GABRB1: variants seen among roughly 807,000 people sequenced by gnomAD.
GABRB1 encodes the protein gamma-aminobutyric acid receptor subunit beta-1.
GABRB1 carries 17 observed loss-of-function variants against 51.6 expected under a neutral mutation model. The observed-to-expected ratio is 0.33, with a 90% CI of 0.23 to 0.49. The LOEUF (loss-of-function observed/expected upper bound fraction) is 0.49. Among genes scored for constraint, GABRB1 ranks in the 20% least tolerant of loss-of-function variants. GABRB1 has a pLI of 0.99. For synonymous variants in GABRB1, 247 were observed against 218.9 expected (o/e 1.13, Z -1.14); for missense variants, 410 against 600.6 (o/e 0.68, Z 3.32).
chr4:47,385,780 C>T (rs1163635952), intron 5 of GABRB1, among the ~76,000 whole-genome samples: 2 of 152,202 alleles, frequency 1.3e-5, no homozygotes, highest in African/African-American at 4.8e-5. Flanking sequence ...TTACCCACAA[C>T]TCTGTCCTAC....
At chr4:47,423,214 A>G (rs114497273) in intron 8 of GABRB1, among the ~76,000 whole-genome samples, 2,172 of 152,268 alleles carry the variant, frequency 0.014, 53 homozygotes, top group African/African-American at 0.05. Context: ...TTTTTACACT[A>G]TTGAGTCAAC....
At chr4:47,395,951 T>C (rs1259671204) in intron 5 of GABRB1, among the ~76,000 whole-genome samples, 1 of 152,162 alleles carries the variant, frequency 6.6e-6, no homozygotes, top group Non-Finnish European at 1.5e-5. Flanking sequence ...ATTTTTAATA[T>C]TATATATAAG....
rs56838956 is a variant in GABRB1 at position 47,254,361 on chromosome 4, G to GTTTTTTTTTTTTTTTTT, written c.462-65751_462-65735dup. 3.0e-4 allele frequency among the ~76,000 whole-genome samples: 24 copies of GTTTTTTTTTTTTTTTTT among 80,962 alleles called. 2 individuals are homozygous for GTTTTTTTTTTTTTTTTT. The highest frequency in any genetic ancestry group is 3.6e-4 in the Non-Finnish European group (16 of 44,330). The allele number at this position is 80,962 out of a possible 152,430, so 53.1% of individuals were successfully genotyped here. ...ATGGTGGATGATGTTTCTTTTCTTT[G>GTTTTTTTTTTTTTTTTT]TTTTTTTTTTTTTTTTTTTTTTTTT... On this transcript the variant is annotated intron_variant, in intron 4 of 8. Coordinates refer to ENST00000295454, the MANE Select transcript of GABRB1 (RefSeq NM_000812.4).
chr4:47,303,728 C>T (rs1724347840), intron 4 of GABRB1, among the ~76,000 whole-genome samples: 1 of 151,842 alleles, frequency 6.6e-6, no homozygotes, highest in South Asian at 2.1e-4. Context: ...ATATGCATTA[C>T]CCCACATATC....
At chr4:47,291,269 C>T (rs781603780) in intron 4 of GABRB1, among the ~76,000 whole-genome samples, 5 of 152,088 alleles carry the variant, frequency 3.3e-5, no homozygotes, top group Admixed American at 2.0e-4. Context: ...GTTGAGCCGG[C>T]GGGTGCACAG....
intron 5 of GABRB1, among the ~76,000 whole-genome samples, chr4:47,349,123 T>C (rs1159463870): frequency 6.6e-6 from 1 of 152,196 alleles, no homozygotes; most frequent in Non-Finnish European, 1.5e-5. Flanking sequence ...TTTTGATGTA[T>C]GATACAGGTC....
chr4:47,189,082 G>C (rs1442751601), intron 4 of GABRB1, among the ~76,000 whole-genome samples: 1 of 151,988 alleles, frequency 6.6e-6, no homozygotes, highest in Non-Finnish European at 1.5e-5. Flanking sequence ...AGCAATAGGA[G>C]CCTAGGTCTT....
At chr4:47,093,309 C>G (rs1372081848) in intron 3 of GABRB1, among the ~76,000 whole-genome samples, 4 of 152,190 alleles carry the variant, frequency 2.6e-5, no homozygotes, top group African/African-American at 9.7e-5. Flanking sequence ...TGGAATGCTT[C>G]TTCCATAAGA....
chr4:46,994,483 TGA>T (rs373937181), intron 1 of GABRB1: 10,202 of 140,978 alleles, frequency 0.072, 432 homozygotes, highest in South Asian at 0.18. Context: ...TGTGTGTGTG[TGA>T]GAGAGAGAGA....
chr4:47,222,101 G>A (rs28498348), intron 4 of GABRB1, among the ~76,000 whole-genome samples: 54,154 of 151,914 alleles, frequency 0.36, 10,082 homozygotes, highest in African/African-American at 0.42. Flanking sequence ...ATCTGTTTAC[G>A]GTATGAGCTG....
rs541322585 is a variant in GABRB1, at chr4:47,061,218, G to C, written c.240+28734G>C. ...GGTAAAATTTGATTCTGTAAAAAGT[G>C]ACTTTTTTCTTTTTTTTCCCCCATC... On this transcript the variant is annotated intron_variant, in intron 3 of 8. Coordinates refer to ENST00000295454, the MANE Select transcript of GABRB1 (RefSeq NM_000812.4). 7.2e-5 allele frequency among the ~76,000 whole-genome samples: 11 copies of C among 152,248 alleles called. No homozygotes were observed. The East Asian group carries it at 1.7e-3, about 24-fold the overall frequency.
chr4:47,408,546 G>T (rs1043990058), intron 8 of GABRB1, among the ~76,000 whole-genome samples: 1 of 152,204 alleles, frequency 6.6e-6, no homozygotes, highest in Admixed American at 6.5e-5. Context: ...ACCTTTGTGT[G>T]AGGCACTATG....
At chr4:47,296,714 A>C (rs1442265893) in intron 4 of GABRB1, among the ~76,000 whole-genome samples, 1 of 152,196 alleles carries the variant, frequency 6.6e-6, no homozygotes, top group African/African-American at 2.4e-5. Context: ...ACAGAAAGTT[A>C]ACAAGGATAC....
chr4:47,171,311 AAAGG>A (rs1159449201), intron 4 of GABRB1, among the ~76,000 whole-genome samples: 2 of 152,106 alleles, frequency 1.3e-5, no homozygotes, highest in African/African-American at 4.8e-5. Flanking sequence ...TGTAAGAAAA[AAAGG>A]AAGGAAGGAA....
At chr4:47,073,003 T>C (rs1369061755) in intron 3 of GABRB1, among the ~76,000 whole-genome samples, 1 of 152,194 alleles carries the variant, frequency 6.6e-6, no homozygotes, top group African/African-American at 2.4e-5. Context: ...CAATTCTTAT[T>C]ATAGACCTAT....
intron 4 of GABRB1, among the ~76,000 whole-genome samples, chr4:47,258,376 G>A (rs978520159): frequency 6.6e-6 from 1 of 152,076 alleles, no homozygotes; most frequent in Non-Finnish European, 1.5e-5. Flanking sequence ...GCTTATCAGA[G>A]ATAAGTTTAG....
At chr4:47,036,885 A>G (rs113785850) in intron 3 of GABRB1, among the ~76,000 whole-genome samples, 5,336 of 152,206 alleles carry the variant, frequency 0.035, 327 homozygotes, top group East Asian at 0.15. Context: ...AAAGAAAAAA[A>G]GAAAGAAAAG....
intron 1 of GABRB1, among the ~76,000 whole-genome samples, chr4:47,019,888 ATATATGTATATG>A (rs56015998): frequency 4.3e-4 from 60 of 139,680 alleles, no homozygotes; most frequent in Non-Finnish European, 7.3e-4. Flanking sequence ...TATATATATA[ATATATGTATATG>A]TATATGTATA....
intron 4 of GABRB1, among the ~76,000 whole-genome samples, chr4:47,266,564 A>C (rs144451445): frequency 1.8e-4 from 28 of 152,284 alleles, no homozygotes; most frequent in African/African-American, 6.7e-4. Context: ...CAGGTTGTTT[A>C]ATTTCATATA....
Sources: allele counts gnomAD v4.1 joint callset (sites outside exome capture counted in the v4.1 genomes callset), GRCh38; gene constraint gnomAD v4.1.1; transcripts MANE v1.5; gene names NCBI Gene and HGNC (gene_info 2026-07-23, HGNC 2026-07-21).